FSHR: variants seen among roughly 807,000 people sequenced by gnomAD.
The protein encoded by FSHR is follicle-stimulating hormone receptor.
A neutral mutation model predicts 52.1 loss-of-function variants in FSHR; 46 were observed. The ratio of observed to expected loss-of-function variants is 0.88; its 90% CI spans 0.70 to 1.13. FSHR has a LOEUF of 1.13. Among genes scored for constraint, FSHR ranks in the 50% most tolerant of loss-of-function variants. The pLI is 0.00. For synonymous variants in FSHR, 399 were observed against 309.6 expected, an observed-to-expected ratio of 1.29 and a Z score of -3.03; for missense variants, 964 against 834.6, an observed-to-expected ratio of 1.16 and a Z score of -1.91.
chr2:49,154,244 T>TC, intron 1 of FSHR, 22 bp downstream of exon 1: 1 of 1,612,132 alleles, frequency 6.2e-7, no homozygotes, highest in Admixed American at 1.7e-5. Flanking sequence ...ATGCAGTTGT[T>TC]CCCCCTCCCT....
At chr2:49,152,468 G>A (rs993362973) in intron 1 of FSHR, among the ~76,000 whole-genome samples, 1 of 151,918 alleles carries the variant, frequency 6.6e-6, no homozygotes, top group Non-Finnish European at 1.5e-5. Context: ...TTTAGGGTGT[G>A]GGGGTGGATT....
chr2:49,121,623 A>C (rs1558452819), intron 1 of FSHR, among the ~76,000 whole-genome samples: 1 of 152,142 alleles, frequency 6.6e-6, no homozygotes. Flanking sequence ...ATATGACTTA[A>C]TGACTTCCTT....
At chr2:49,038,495 A>T (rs893697919) in intron 2 of FSHR, among the ~76,000 whole-genome samples, 1 of 151,452 alleles carries the variant, frequency 6.6e-6, no homozygotes, top group Admixed American at 6.6e-5. Context: ...CGTGGTGGGG[A>T]GCACCTGTAG....
chr2:49,065,380 G>A (rs1355081843), intron 2 of FSHR, among the ~76,000 whole-genome samples: 1 of 152,030 alleles, frequency 6.6e-6, no homozygotes, highest in Non-Finnish European at 1.5e-5. Context: ...TAACAGGAAT[G>A]AGAAGAGGAC....
intron 1 of FSHR, among the ~76,000 whole-genome samples, chr2:49,129,603 C>T (rs1672191756): frequency 6.6e-6 from 1 of 152,136 alleles, no homozygotes; most frequent in Non-Finnish European, 1.5e-5. Flanking sequence ...CCTGGTCATT[C>T]TGGAGCTGAA....
At chr2:49,011,436 G>T (rs146226784) in intron 4 of FSHR, among the ~76,000 whole-genome samples, 2,207 of 152,172 alleles carry the variant, frequency 0.015, 45 homozygotes, top group African/African-American at 0.045. Flanking sequence ...GTTGAGGAGA[G>T]CTTGACTTCC....
At chr2:48,983,398 A>G (rs1053934001) in intron 6 of FSHR, among the ~76,000 whole-genome samples, 2 of 152,242 alleles carry the variant, frequency 1.3e-5, no homozygotes, top group African/African-American at 4.8e-5. Context: ...AAAGGATTAA[A>G]TGAAATTTAA....
chr2:48,989,335 T>G (rs1356823569), intron 5 of FSHR, among the ~76,000 whole-genome samples: 1 of 148,076 alleles, frequency 6.8e-6, no homozygotes, highest in Non-Finnish European at 1.5e-5. Context: ...CAGGCTGGAG[T>G]GCAGTGGTGC....
intron 2 of FSHR, among the ~76,000 whole-genome samples, chr2:49,043,368 A>T (rs759534352): frequency 1.3e-5 from 2 of 152,130 alleles, no homozygotes; most frequent in Non-Finnish European, 2.9e-5. Flanking sequence ...GAAACTGAAA[A>T]ATTAATAATA....
intron 2 of FSHR, among the ~76,000 whole-genome samples, chr2:49,050,567 G>A (rs1668819740): frequency 6.6e-6 from 1 of 152,154 alleles, no homozygotes; most frequent in Admixed American, 6.6e-5. Context: ...GCCTTGTGTA[G>A]CAGAAAGGAC....
intron 1 of FSHR, among the ~76,000 whole-genome samples, chr2:49,107,410 A>G (rs1193506974): frequency 1.3e-5 from 2 of 152,170 alleles, no homozygotes; most frequent in East Asian, 3.9e-4. Context: ...TTATCTTACT[A>G]CTGTGACTCT....
At chr2:49,087,070 G>GTTTTTTTT (rs56890721) in intron 1 of FSHR, among the ~76,000 whole-genome samples, 1,289 of 86,634 alleles carry the variant, frequency 0.015, 114 homozygotes, top group African/African-American at 0.033. Context: ...TGTGGGCAGG[G>GTTTTTTTT]TTTTTTTTTT....
At position 49,045,199 on chromosome 2, in the gene FSHR, C is replaced by T. The variant is rs17038137; in HGVS notation, c.224+23020G>A. Among the ~76,000 whole-genome samples the T allele has an allele frequency of 2.7e-4, 41 of 152,254 alleles. 2 individuals are homozygous for T. Among genetic ancestry groups the T allele is most frequent in the African/African-American group, 9.4e-4 (39 of 41,552 alleles). On this transcript the variant is annotated intron_variant, in intron 2 of 9. Coordinates refer to ENST00000406846, the MANE Select transcript of FSHR (RefSeq NM_000145.4). ...TATTTTATCAACAACTACACTGAAG[C>T]AGAGGCTGTGTGCCATTTCTCTTGT...
intron 4 of FSHR, among the ~76,000 whole-genome samples, chr2:49,013,079 TTC>T (rs1667332451): frequency 6.6e-6 from 1 of 151,760 alleles, no homozygotes; most frequent in African/African-American, 2.4e-5. Context: ...TCTTTCTCCT[TTC>T]TCTCCACCTC....
chr2:49,082,381 C>A (rs1476403871), intron 1 of FSHR, among the ~76,000 whole-genome samples: 4 of 152,086 alleles, frequency 2.6e-5, no homozygotes, highest in Admixed American at 1.3e-4. Flanking sequence ...GTAGATAAAA[C>A]CACAAAGATG....
At chr2:49,045,136 T>C (rs779764775) in intron 2 of FSHR, among the ~76,000 whole-genome samples, 11 of 152,356 alleles carry the variant, frequency 7.2e-5, no homozygotes, top group Middle Eastern at 3.4e-3. Flanking sequence ...CAGTGAATTA[T>C]GTGTTTGTTA....
Position 48,963,007 on chromosome 2 carries a change from G to A in FSHR, c.1814C>T (p.Ser605Phe). The change falls in exon 10 of 10, where the codon TCC becomes TTC. Residue 605 changes from serine (S) to phenylalanine (F), a missense_variant. Physicochemically the swap from Ser to Phe is radical, Grantham distance 155. Transcript: ENST00000406846. ...CAGAACCAGCAGAATCTTTGCTTTG[G>A]ACACAGTGATGAGGGGCACCTTGAG... ...ASLKVPLITV[S>F]KAKILLVLFH... The A allele has an allele frequency of 6.2e-7, 1 of 1,614,124 alleles. No homozygotes were observed. The highest frequency in any genetic ancestry group is 1.1e-5 in the South Asian group (1 of 91,074).
chr2:48,962,823 A>G lies in FSHR; in HGVS notation c.1998T>C (p.His666=), dbSNP rs1382799626. 1.2e-6 allele frequency: 2 copies of G among 1,614,116 alleles called. No individual in the cohort carries two copies. The highest frequency in any genetic ancestry group is 1.7e-5 in the Admixed American group (1 of 60,012). ...TETSSTVHNT[H]PRNGHCSSAP... ...CTGAAGAGCAGTGGCCATTCCTTGG[A>G]TGGGTGTTGTGGACAGTGGATGAAG... The change falls in exon 10 of 10, where the codon CAT becomes CAC. Residue 666 remains histidine (H), a synonymous_variant. Coordinates refer to ENST00000406846, the MANE Select transcript of FSHR (RefSeq NM_000145.4).
chr2:49,010,769 G>A (rs896835662), intron 4 of FSHR, among the ~76,000 whole-genome samples: 1 of 152,114 alleles, frequency 6.6e-6, no homozygotes, highest in Non-Finnish European at 1.5e-5. Context: ...GAATGTATGT[G>A]TCAAGGAATT....
Sources: gnomAD v4.1 joint callset for allele counts (sites outside exome capture counted in the v4.1 genomes callset) on GRCh38, gnomAD v4.1.1 for gene constraint, MANE v1.5 for transcripts, NCBI Gene and HGNC (gene_info 2026-07-23, HGNC 2026-07-21) for gene names.